Variants in MED12L observed in about 807,000 individuals in gnomAD.
MED12L encodes the protein mediator complex subunit 12L.
MED12L carries 60 observed loss-of-function variants against 281.3 expected under a neutral mutation model. The ratio of observed to expected loss-of-function variants is 0.21; its 90% CI spans 0.17 to 0.26. The LOEUF (loss-of-function observed/expected upper bound fraction) is 0.26. Among genes scored for constraint, MED12L ranks in the 10% least tolerant of loss-of-function variants. The pLI is 1.00. For synonymous variants in MED12L, 974 were observed against 987.2 expected (o/e 0.99, Z 0.25); for missense variants, 2,146 against 2,680.9 (o/e 0.80, Z 4.41).
chr3:151,353,880 G>A (rs1359824586), intron 17 of MED12L, among the ~76,000 whole-genome samples: 1 of 151,940 alleles, frequency 6.6e-6, no homozygotes, highest in Non-Finnish European at 1.5e-5. Context: ...GGTGGCTCAC[G>A]CCTGTAATCC....
At chr3:151,392,478 A>G (rs1199153927) in intron 38 of MED12L, among the ~76,000 whole-genome samples, 1 of 148,658 alleles carries the variant, frequency 6.7e-6, no homozygotes, top group Admixed American at 6.7e-5. Flanking sequence ...AAAAAAAAAA[A>G]AAAAAAAAAA....
chr3:151,224,777 G>C (rs954344286), intron 16 of MED12L, among the ~76,000 whole-genome samples: 76 of 152,068 alleles, frequency 5.0e-4, no homozygotes, highest in African/African-American at 1.8e-3. Context: ...CTTTTTCTCA[G>C]TTATCCTATT....
intron 38 of MED12L, among the ~76,000 whole-genome samples, chr3:151,394,392 G>A (rs1052473819): frequency 6.6e-6 from 1 of 152,188 alleles, no homozygotes; most frequent in African/African-American, 2.4e-5. Flanking sequence ...GCCAACAACT[G>A]TATGTTTTAC....
At chr3:151,370,118 G>A (rs1192813273) in intron 26 of MED12L, among the ~76,000 whole-genome samples, 2 of 152,080 alleles carry the variant, frequency 1.3e-5, no homozygotes, top group Admixed American at 6.6e-5. Context: ...AATTCATAAT[G>A]TCCAAGATGT....
At chr3:151,218,510 A>C (rs1198931864) in intron 16 of MED12L, among the ~76,000 whole-genome samples, 2 of 152,220 alleles carry the variant, frequency 1.3e-5, no homozygotes, top group African/African-American at 4.8e-5. Flanking sequence ...GAATATAAAC[A>C]ATGCTTCCTA....
chr3:151,113,526 G>T (rs1434774345), intron 2 of MED12L, among the ~76,000 whole-genome samples: 1 of 152,202 alleles, frequency 6.6e-6, no homozygotes, highest in African/African-American at 2.4e-5. Flanking sequence ...TGGCCTTCAG[G>T]GGGCAAGGGG....
At chr3:151,112,255 G>A (rs1712012703) in intron 2 of MED12L, among the ~76,000 whole-genome samples, 1 of 151,280 alleles carries the variant, frequency 6.6e-6, no homozygotes, top group Non-Finnish European at 1.5e-5. Flanking sequence ...GCTAGGAATA[G>A]GAGCAAACAT....
chr3:151,399,147 T>C (rs1715346215), intron 39 of MED12L, among the ~76,000 whole-genome samples: 1 of 152,224 alleles, frequency 6.6e-6, no homozygotes, highest in East Asian at 1.9e-4. Flanking sequence ...GAGTCCCATC[T>C]ATAAACTGGA....
chr3:151,194,927 G>A (rs1450008577), intron 16 of MED12L, among the ~76,000 whole-genome samples: 3 of 152,142 alleles, frequency 2.0e-5, no homozygotes, highest in African/African-American at 4.8e-5. Flanking sequence ...CACTTTGGGA[G>A]GCCGAGGTGG....
chr3:151,415,843 G>A (rs1230876351), intron 42 of MED12L, among the ~76,000 whole-genome samples: 5 of 151,874 alleles, frequency 3.3e-5, no homozygotes, highest in African/African-American at 7.3e-5. Context: ...GTGTCATGGC[G>A]ACTAGTCTGC....
chr3:151,114,016 T>C (rs1258218728), intron 2 of MED12L, among the ~76,000 whole-genome samples: 2 of 152,166 alleles, frequency 1.3e-5, no homozygotes, highest in African/African-American at 2.4e-5. Flanking sequence ...AAGATAAATA[T>C]TCAGTTTTCT....
intron 39 of MED12L, among the ~76,000 whole-genome samples, chr3:151,400,974 A>T (rs887614115): frequency 6.6e-6 from 1 of 152,178 alleles, no homozygotes; most frequent in African/African-American, 2.4e-5. Context: ...CCCTTCTTCT[A>T]AAGTGGGAAT....
intron 16 of MED12L, among the ~76,000 whole-genome samples, chr3:151,291,529 G>A (rs1744260495): frequency 6.6e-6 from 1 of 152,058 alleles, no homozygotes; most frequent in Non-Finnish European, 1.5e-5. Flanking sequence ...TGCATAAAAG[G>A]AAGAATAAAT....
At chr3:151,279,541 G>A (rs535141190) in intron 16 of MED12L, among the ~76,000 whole-genome samples, 5 of 152,270 alleles carry the variant, frequency 3.3e-5, no homozygotes, top group African/African-American at 4.8e-5. Flanking sequence ...AGAGAAGTTC[G>A]CCATTTCTCC....
intron 16 of MED12L, among the ~76,000 whole-genome samples, chr3:151,303,141 T>G (rs1026400001): frequency 1.3e-5 from 2 of 152,180 alleles, no homozygotes; most frequent in Non-Finnish European, 2.9e-5. Flanking sequence ...ATATGAGGCA[T>G]CTTAAAGAAT....
intron 24 of MED12L, 84 bp from the exon 25 acceptor site, chr3:151,368,066 C>A: frequency 1.8e-6 from 2 of 1,108,494 alleles, no homozygotes; most frequent in Non-Finnish European, 2.6e-6. Flanking sequence ...ATAATTATTC[C>A]AGGAAATTTA....
At chr3:151,411,743 C>T (rs938511808) in intron 41 of MED12L, among the ~76,000 whole-genome samples, 1 of 152,170 alleles carries the variant, frequency 6.6e-6, no homozygotes, top group East Asian at 1.9e-4. Flanking sequence ...TCTTCCAAGA[C>T]ATGAGTGTAA....
chr3:151,206,476 A>C (rs1479160343), intron 16 of MED12L, among the ~76,000 whole-genome samples: 3 of 151,724 alleles, frequency 2.0e-5, no homozygotes, highest in African/African-American at 7.3e-5. Context: ...GTGAGGTGTG[A>C]CTGCTATTTG....
chr3:151,294,252 T>C (rs1744737349), intron 16 of MED12L: 2 of 1,613,858 alleles, frequency 1.2e-6, no homozygotes, highest in Non-Finnish European at 1.7e-6. Flanking sequence ...CTCCTGGTTC[T>C]GATATTTGAT....
Sources: gnomAD v4.1 joint callset for allele counts (sites outside exome capture counted in the v4.1 genomes callset) on GRCh38, gnomAD v4.1.1 for gene constraint, MANE v1.5 for transcripts, NCBI Gene and HGNC (gene_info 2026-07-23, HGNC 2026-07-21) for gene names.